Variants in CSF2RB observed in about 807,000 individuals in gnomAD.
The protein encoded by CSF2RB is colony stimulating factor 2 receptor subunit beta, also known as cytokine receptor common subunit beta.
In CSF2RB, 22 loss-of-function variants were observed where a neutral mutation model predicts 67.2. The observed-to-expected ratio is 0.33, with a 90% CI of 0.23 to 0.47. The LOEUF (loss-of-function observed/expected upper bound fraction) is 0.47. CSF2RB is among the 20% of genes least tolerant of loss of function. The pLI, the probability that CSF2RB is intolerant of heterozygous loss-of-function variation, is 1.00. For missense variants in CSF2RB, 1,113 were observed against 1,174.5 expected (o/e 0.95, Z 0.76); for synonymous variants, 507 against 482.9 (o/e 1.05, Z -0.65).
chr22:36,924,340 T>C (rs1222813501), intron 3 of CSF2RB, among the ~76,000 whole-genome samples: 2 of 147,556 alleles, frequency 1.4e-5, no homozygotes, highest in East Asian at 4.2e-4. Context: ...TGAGACACGA[T>C]GCTGTCTGGT....
At chr22:36,914,713 A>AT (rs77991332) in intron 1 of CSF2RB, among the ~76,000 whole-genome samples, 26,670 of 151,906 alleles carry the variant, frequency 0.18, 2,638 homozygotes, top group East Asian at 0.37. Context: ...CCCAATTCTA[A>AT]TTTTTTTCTA....
chr22:36,928,691 A>G (rs1055407253), intron 4 of CSF2RB, among the ~76,000 whole-genome samples: 3 of 152,244 alleles, frequency 2.0e-5, no homozygotes, highest in African/African-American at 2.4e-5. Flanking sequence ...AGAAGCCCCA[A>G]AGTTGCTTAC....
chr22:36,922,070 C>G lies in CSF2RB; in HGVS notation c.-138C>G. The G allele has an allele frequency of 1.3e-6, 1 of 754,880 alleles. No individual in the cohort carries two copies. Among genetic ancestry groups the G allele is most frequent in the Non-Finnish European group, 2.3e-6 (1 of 443,048 alleles). 46.8% of individuals were successfully genotyped at this position (754,880 alleles called of 1,614,324 possible). A position where few individuals can be genotyped will look rare whatever the true frequency, so the allele number is the denominator to read the frequency against. Reference sequence around the variant, plus strand: ...AGGCAGAGGCCAGGAGGGAGAGGTCCCAAGAGCCTGTGAAATGGGTCTGGC... The same window carrying G: ...AGGCAGAGGCCAGGAGGGAGAGGTCGCAAGAGCCTGTGAAATGGGTCTGGC... On this transcript the variant is annotated 5_prime_UTR_variant, in exon 2 of 14. Transcript: ENST00000403662.
intron 1 of CSF2RB, among the ~76,000 whole-genome samples, chr22:36,915,516 G>A (rs770529487): frequency 1.3e-4 from 19 of 150,758 alleles, no homozygotes; most frequent in East Asian, 1.9e-4. Flanking sequence ...GATTTAACTC[G>A]TTAAGTAACC....
intron 4 of CSF2RB, among the ~76,000 whole-genome samples, chr22:36,927,431 G>C (rs1001528126): frequency 8.5e-5 from 13 of 152,116 alleles, no homozygotes; most frequent in African/African-American, 2.9e-4. Flanking sequence ...CCAGAGGGAA[G>C]AGCTTTGCAA....
chr22:36,929,066 C>G (rs539271318), intron 4 of CSF2RB, among the ~76,000 whole-genome samples: 1 of 152,318 alleles, frequency 6.6e-6, no homozygotes, highest in South Asian at 2.1e-4. Flanking sequence ...CCGCAGGCCC[C>G]TCTGCTAGCA....
chr22:36,938,182 C>T lies in CSF2RB; in HGVS notation c.2374C>T (p.Pro792Ser), dbSNP rs1393937540. 1 of 1,614,140 alleles carries T rather than the reference C, an allele frequency of 6.2e-7. No homozygotes were observed. The highest frequency in any genetic ancestry group is 1.7e-5 in the Admixed American group (1 of 60,026). The part of the protein sequence containing the change: ...NNPVPPEAKS[P>S]VLNPGERPAD... The stretch of plus-strand genomic sequence containing the variant: ...TCCTGTCCCCCCTGAGGCCAAAAGC[C>T]CTGTCCTGAACCCAGGGGAACGCCC... Residue 792 changes from proline (P) to serine (S), a missense_variant, in exon 14 of 14, where the codon CCT becomes TCT. Around this residue, in one of 2 missense-constraint regions of CSF2RB, gnomAD observed 554 missense variants for 517.9 expected, o/e 1.07. Coordinates refer to ENST00000403662, the MANE Select transcript of CSF2RB (RefSeq NM_000395.3).
chr22:36,933,224 T>C (rs117533392), intron 9 of CSF2RB, among the ~76,000 whole-genome samples: 1 of 152,096 alleles, frequency 6.6e-6, no homozygotes, highest in Non-Finnish European at 1.5e-5. Context: ...TCATGAAAGT[T>C]TGGGGTTATT....
chr22:36,924,152 G>C (rs776720423), intron 3 of CSF2RB, among the ~76,000 whole-genome samples: 7 of 148,148 alleles, frequency 4.7e-5, no homozygotes, highest in African/African-American at 7.5e-5. Context: ...GGGCGTCTCT[G>C]TCGGACCTTC....
At position 36,933,896 on chromosome 22, in the gene CSF2RB, C is replaced by T. The variant is rs936908460; in HGVS notation, c.1217C>T (p.Thr406Ile). 3 of 1,611,772 alleles carry T rather than the reference C, an allele frequency of 1.9e-6. No homozygotes were observed. Among genetic ancestry groups the T allele is most frequent in the Non-Finnish European group, 1.7e-6 (2 of 1,180,006 alleles). The part of the protein sequence containing the change: ...SMALPALEPS[T>I]RYWARVRVRT... ...GCCCTGCCAGCCCTGGAGCCCTCCA[C>T]CAGGTACTGGGCCAGGGTGAGGGTC... Residue 406 changes from threonine to isoleucine, a missense_variant, in exon 10 of 14, where the codon ACC (threonine) becomes ATC (isoleucine). Around this residue, in one of 2 missense-constraint regions of CSF2RB, gnomAD observed 559 missense variants for 656.5 expected, o/e 0.85. Transcript: ENST00000403662.
Position 36,937,994 on chromosome 22 carries a change from C to G in CSF2RB, c.2186C>G (p.Ser729Cys), listed in dbSNP as rs147430768. 22 of 1,614,014 alleles carry G rather than the reference C, an allele frequency of 1.4e-5. No homozygotes were observed. In the African/African-American group the frequency reaches 2.5e-4, roughly 19 times the overall value. Residue 729 changes from serine to cysteine, a missense_variant, in exon 14 of 14, where the codon TCC becomes TGC. Ser to Cys is a moderately radical substitution (Grantham distance 112, BLOSUM62 -1). Around this residue, in one of 2 missense-constraint regions of CSF2RB, gnomAD observed 554 missense variants for 517.9 expected, o/e 1.07. Coordinates refer to ENST00000403662, the MANE Select transcript of CSF2RB (RefSeq NM_000395.3). The surrounding 1 kb of genome is among the most constrained non-coding windows in gnomAD (Gnocchi z 4.6). ...CCAAACTCAGGGGCCTCGTCTGTCT[C>G]CCTAGTTCCCTCTCTGGGCCTCCCC... ...FTPNSGASSV[S>C]LVPSLGLPSD...
intron 3 of CSF2RB, chr22:36,923,827 C>G: frequency 7.9e-7 from 1 of 1,271,514 alleles, no homozygotes; most frequent in African/African-American, 1.5e-5. Context: ...GGTGAGGTGC[C>G]AGCCCTGGCC....
intron 10 of CSF2RB, among the ~76,000 whole-genome samples, 193 bp from the exon 11 acceptor site, chr22:36,935,157 TG>T (rs909745984): frequency 7.2e-5 from 11 of 152,120 alleles, no homozygotes; most frequent in African/African-American, 2.7e-4. Context: ...TTGAACACTG[TG>T]GGGGTTCAGA....
At chr22:36,935,312 C>A in intron 10 of CSF2RB, 39 bp from the exon 11 acceptor site, 1 of 1,602,918 alleles carries the variant, frequency 6.2e-7, no homozygotes, top group South Asian at 1.1e-5. Flanking sequence ...ATTTCCCGCC[C>A]AGATGCTGAC....
chr22:36,920,613 G>A (rs77426099), intron 1 of CSF2RB, among the ~76,000 whole-genome samples: 2,510 of 152,278 alleles, frequency 0.016, 67 homozygotes, highest in African/African-American at 0.057. Context: ...AAGATTTTCT[G>A]TTTGCACTCC....
chr22:36,938,467 C>T lies in CSF2RB; in HGVS notation c.2659C>T (p.Pro887Ser), dbSNP rs539801725. ...LKQQDYLSLP[P>S]WEVNKPGEVC The stretch of plus-strand genomic sequence containing the variant: ...GCAGCAGGACTACCTGTCTCTGCCC[C>T]CTTGGGAGGTCAACAAGCCTGGGGA... The change falls in exon 14 of 14, where the codon CCT (proline) becomes TCT (serine). Residue 887 changes from proline to serine, a missense_variant. Pro to Ser is a moderately conservative substitution (Grantham distance 74, BLOSUM62 -1). Coordinates refer to ENST00000403662, the MANE Select transcript of CSF2RB (RefSeq NM_000395.3). 8.1e-6 allele frequency: 13 copies of T among 1,613,978 alleles called. No homozygotes were observed. The East Asian group carries it at 8.9e-5, about 11-fold the overall frequency.
chr22:36,933,944 A>G lies in CSF2RB; in HGVS notation c.1265A>G (p.Asn422Ser), dbSNP rs772253379. ...GTCAGGACCTCCCGCACCGGCTACA[A>G]CGGGATCTGGAGCGAGTGGAGTGAG... ...VRVRTSRTGY[N>S]GIWSEWSEAR... Residue 422 changes from asparagine (N) to serine (S), a missense_variant, in exon 10 of 14, where the codon AAC becomes AGC. Coordinates refer to ENST00000403662, the MANE Select transcript of CSF2RB (RefSeq NM_000395.3). 6.2e-7 allele frequency: 1 copy of G among 1,612,854 alleles called. No homozygotes were observed. The highest frequency in any genetic ancestry group is 8.5e-7 in the Non-Finnish European group (1 of 1,179,972).
Position 36,935,651 on chromosome 22 carries a change from G to A in CSF2RB, c.1428G>A (p.Glu476=), listed in dbSNP as rs374877816. Reference sequence around the variant, plus strand: ...CCAGGCTGCGCAGAAAGTGGGAGGAGAAGATCCCCAACCCCAGCAAGAGCC... The same window carrying A: ...CCAGGCTGCGCAGAAAGTGGGAGGAAAAGATCCCCAACCCCAGCAAGAGCC... The part of the protein sequence containing the change: ...YGYRLRRKWE[E]KIPNPSKSHL... Residue 476 remains glutamate, a synonymous_variant, in exon 12 of 14, where the codon GAG becomes GAA. Transcript: ENST00000403662. 7 of 1,614,208 alleles carry A rather than the reference G, an allele frequency of 4.3e-6. No individual in the cohort carries two copies.
intron 3 of CSF2RB, among the ~76,000 whole-genome samples, chr22:36,925,576 C>G (rs1940996026): frequency 6.6e-6 from 1 of 150,568 alleles, no homozygotes; most frequent in Non-Finnish European, 1.5e-5. Context: ...ACACCAAACT[C>G]TGCCTGTCCC....
Sources: allele counts gnomAD v4.1 joint callset (sites outside exome capture counted in the v4.1 genomes callset), GRCh38; gene constraint gnomAD v4.1.1; regional missense constraint gnomAD v4.1.1; non-coding constraint Gnocchi (gnomAD v3.1); transcripts MANE v1.5; gene names NCBI Gene and HGNC (gene_info 2026-07-23, HGNC 2026-07-21).